KLHL29: variants seen among roughly 807,000 people sequenced by gnomAD.
KLHL29 encodes the protein kelch like family member 29.
In KLHL29, 21 loss-of-function variants were observed where a neutral mutation model predicts 80.4. The ratio of observed to expected loss-of-function variants is 0.26; its 90% CI spans 0.19 to 0.38. KLHL29 has a LOEUF of 0.38. Among genes scored for constraint, KLHL29 ranks in the 10% least tolerant of loss-of-function variants. The probability of loss-of-function intolerance (pLI) is 1.00; values close to 1 mark genes in which losing one functional copy is unlikely to be tolerated. For missense variants in KLHL29, 867 were observed against 1,223.9 expected (o/e 0.71, Z 4.35); for synonymous variants, 511 against 526.8 (o/e 0.97, Z 0.41).
At chr2:23,525,648 C>T (rs1207449864) in intron 2 of KLHL29, among the ~76,000 whole-genome samples, 1 of 152,140 alleles carries the variant, frequency 6.6e-6, no homozygotes, top group African/African-American at 2.4e-5. Flanking sequence ...CCTGGTTTTG[C>T]CCTGCCTGGG....
intron 2 of KLHL29, among the ~76,000 whole-genome samples, chr2:23,509,497 C>T (rs1237246483): frequency 6.6e-6 from 1 of 151,970 alleles, no homozygotes; most frequent in Non-Finnish European, 1.5e-5. Flanking sequence ...CCACTCCCTC[C>T]TCTTTAAGGT....
intron 3 of KLHL29, among the ~76,000 whole-genome samples, chr2:23,571,480 A>G (rs889018598): frequency 6.6e-6 from 1 of 152,012 alleles, no homozygotes; most frequent in Non-Finnish European, 1.5e-5. Context: ...AGAAAAGTGA[A>G]CCCCAGCCCC....
At chr2:23,556,058 T>G (rs541349734) in intron 2 of KLHL29, among the ~76,000 whole-genome samples, 2 of 152,226 alleles carry the variant, frequency 1.3e-5, no homozygotes, top group African/African-American at 4.8e-5. Flanking sequence ...GAGCTCCCAG[T>G]GACGTGTTCC....
intron 2 of KLHL29, among the ~76,000 whole-genome samples, chr2:23,500,216 G>C (rs1665400287): frequency 6.6e-6 from 1 of 152,170 alleles, no homozygotes; most frequent in African/African-American, 2.4e-5. Context: ...GTCAAACACT[G>C]GTGTGCAGAA....
chr2:23,533,058 A>AT (rs1309464324), intron 2 of KLHL29, among the ~76,000 whole-genome samples: 7 of 152,002 alleles, frequency 4.6e-5, no homozygotes, highest in Non-Finnish European at 1.0e-4. Flanking sequence ...AGTTCAAGGG[A>AT]TTTTCTGCCA....
intron 2 of KLHL29, among the ~76,000 whole-genome samples, chr2:23,545,480 A>G (rs1666958226): frequency 6.6e-6 from 1 of 152,140 alleles, no homozygotes; most frequent in South Asian, 2.1e-4. Context: ...GCAGCTGGGT[A>G]AGGAAGGCTT....
intron 2 of KLHL29, among the ~76,000 whole-genome samples, chr2:23,513,476 G>T (rs968092755): frequency 1.1e-4 from 17 of 152,182 alleles, no homozygotes; most frequent in African/African-American, 4.1e-4. Context: ...AGAAGGGACC[G>T]CCGCTTCTGC....
chr2:23,410,344 G>A (rs930309365), intron 1 of KLHL29, among the ~76,000 whole-genome samples: 25 of 152,012 alleles, frequency 1.6e-4, no homozygotes, highest in Non-Finnish European at 5.9e-5. Context: ...TGGGGGGTTC[G>A]AGGGTGGGAA....
chr2:23,500,953 G>A (rs775417298), intron 2 of KLHL29, among the ~76,000 whole-genome samples: 73 of 152,124 alleles, frequency 4.8e-4, no homozygotes, highest in Non-Finnish European at 7.2e-4. Flanking sequence ...AGTGGAAATC[G>A]CATCTGTTTG....
intron 2 of KLHL29, among the ~76,000 whole-genome samples, chr2:23,558,464 C>T (rs988401183): frequency 1.0e-4 from 15 of 149,844 alleles, no homozygotes; most frequent in African/African-American, 2.7e-4. Flanking sequence ...TGCAGTGGCA[C>T]GATCTCGGCT....
chr2:23,408,263 T>TAAAAAAAAAAAAAAAAAAAAAAAAAAA (rs55790582), intron 1 of KLHL29, among the ~76,000 whole-genome samples: 1 of 52,678 alleles, frequency 1.9e-5, no homozygotes, highest in African/African-American at 6.4e-5. Flanking sequence ...CATTTCACGC[T>TAAAAAAAAAAAAAAAAAAAAAAAAAAA]AAAAAAAAAA....
At chr2:23,640,002 G>C (rs1376242173) in intron 4 of KLHL29, among the ~76,000 whole-genome samples, 1 of 152,056 alleles carries the variant, frequency 6.6e-6, no homozygotes. Context: ...TGGTCTGCCC[G>C]GCACATGCTT....
intron 5 of KLHL29, among the ~76,000 whole-genome samples, chr2:23,648,563 G>T (rs1350795322): frequency 6.6e-6 from 1 of 152,108 alleles, no homozygotes; most frequent in Admixed American, 6.5e-5. Flanking sequence ...GCAGCCTGTT[G>T]CTGGGAACTT....
intron 3 of KLHL29, among the ~76,000 whole-genome samples, chr2:23,632,628 G>A (rs518113): frequency 0.26 from 39,850 of 152,192 alleles, 5,390 homozygotes; most frequent in Middle Eastern, 0.39. Context: ...AGAGGTGCCC[G>A]CAACAAATGC....
At chr2:23,428,337 T>C (rs540688738) in intron 1 of KLHL29, among the ~76,000 whole-genome samples, 112 of 152,316 alleles carry the variant, frequency 7.4e-4, no homozygotes, top group African/African-American at 2.6e-3. Flanking sequence ...TTTCCCCCAG[T>C]GATGTTGCGA....
intron 2 of KLHL29, among the ~76,000 whole-genome samples, chr2:23,494,869 C>T (rs1572356207): frequency 6.6e-6 from 1 of 152,160 alleles, no homozygotes; most frequent in African/African-American, 2.4e-5. Flanking sequence ...ATCTGTCGTG[C>T]AGCTCACACT....
intron 13 of KLHL29, 31 bp from the exon 14 acceptor site, chr2:23,706,450 G>GT: frequency 7.3e-7 from 1 of 1,366,776 alleles, no homozygotes; most frequent in Non-Finnish European, 9.7e-7. Context: ...GAAGTGAAAT[G>GT]CCTAACTCTG....
chr2:23,447,492 C>T (rs1333907539), intron 1 of KLHL29, among the ~76,000 whole-genome samples: 1 of 152,176 alleles, frequency 6.6e-6, no homozygotes, highest in Non-Finnish European at 1.5e-5. Flanking sequence ...TGGGAAATTT[C>T]TGCATTTGTT....
intron 3 of KLHL29, among the ~76,000 whole-genome samples, chr2:23,637,667 G>A (rs1315147455): frequency 2.0e-5 from 3 of 152,084 alleles, no homozygotes; most frequent in Non-Finnish European, 2.9e-5. Context: ...TGCACTATGC[G>A]TCGAAGCCCC....
Sources: allele counts gnomAD v4.1 joint callset (sites outside exome capture counted in the v4.1 genomes callset), GRCh38; gene constraint gnomAD v4.1.1; transcripts MANE v1.5; gene names NCBI Gene and HGNC (gene_info 2026-07-23, HGNC 2026-07-21).